The following ADAMTSL1 variants were observed in gnomAD, a reference collection of about 807,000 sequenced individuals.
ADAMTSL1 encodes ADAMTS like 1.
In ADAMTSL1, 126 loss-of-function variants were observed where a neutral mutation model predicts 201.8. The observed-to-expected ratio is 0.62, with a 90% CI of 0.54 to 0.72. The LOEUF (loss-of-function observed/expected upper bound fraction) is 0.72. ADAMTSL1 is among the 30% of genes least tolerant of loss of function. The pLI is 0.00. For missense variants in ADAMTSL1, 2,679 were observed against 2,277.8 expected (o/e 1.18, Z -3.59); for synonymous variants, 1,121 against 903.4 (o/e 1.24, Z -4.32).
At chr9:18,270,453 A>AT (rs1832312697) in intron 2 of ADAMTSL1, among the ~76,000 whole-genome samples, 1 of 152,318 alleles carries the variant, frequency 6.6e-6, no homozygotes, top group East Asian at 1.9e-4. Flanking sequence ...TTGTATCCTT[A>AT]CCTAAATCCA....
At position 18,887,992 on chromosome 9, in the gene ADAMTSL1, G is replaced by C; in HGVS notation, c.4411G>C (p.Ala1471Pro). 1.9e-6 allele frequency: 3 copies of C among 1,613,940 alleles called. No individual in the cohort carries two copies. The highest frequency in any genetic ancestry group is 2.5e-6 in the Non-Finnish European group (3 of 1,179,890). ...GGSQGEFSCL[A>P]QNEAGVLMQK... The stretch of plus-strand genomic sequence containing the variant: ...GTCTCAAGGGGAATTCAGCTGCCTT[G>C]CTCAGAATGAGGCAGGGGTGCTCAT... The change falls in exon 24 of 29, where the codon GCT (alanine) becomes CCT (proline). Residue 1471 changes from alanine to proline, a missense_variant. Coordinates refer to ENST00000380548, the MANE Select transcript of ADAMTSL1 (RefSeq NM_001040272.6).
rs1248513640 is a variant in ADAMTSL1 at position 18,776,951 on chromosome 9, CTCA to C, written c.2726_2728del (p.Ile909del). On this transcript the variant is annotated inframe_deletion, in exon 19 of 29. Coordinates refer to ENST00000380548, the MANE Select transcript of ADAMTSL1 (RefSeq NM_001040272.6). ...CCCGGCGCGCAGGGTCCGCAAGCCC[CTCA>C]TCACCTGGGAGAAGGACGGCCAGCA... is the stretch of plus-strand genomic sequence containing the variant. The C allele has an allele frequency of 6.3e-7, 1 of 1,599,448 alleles. No individual in the cohort carries two copies. The highest frequency in any genetic ancestry group is 8.5e-7 in the Non-Finnish European group (1 of 1,172,126).
chr9:18,298,626 A>C (rs1833569038), intron 2 of ADAMTSL1, among the ~76,000 whole-genome samples: 1 of 152,112 alleles, frequency 6.6e-6, no homozygotes, highest in South Asian at 2.1e-4. Flanking sequence ...TTCTTCTTCA[A>C]AATTACCCTA....
intron 2 of ADAMTSL1, among the ~76,000 whole-genome samples, chr9:18,208,080 G>C (rs953193413): frequency 2.6e-5 from 4 of 152,090 alleles, no homozygotes; most frequent in Admixed American, 6.6e-5. Context: ...CTATGAAATG[G>C]AGACAGTGAT....
intron 23 of ADAMTSL1, among the ~76,000 whole-genome samples, chr9:18,844,648 C>A (rs988474080): frequency 1.3e-5 from 2 of 152,222 alleles, no homozygotes; most frequent in African/African-American, 4.8e-5. Context: ...GAGGTGGAGC[C>A]TACAGAGGCA....
chr9:18,133,656 G>A (rs2131975215), intron 1 of ADAMTSL1, among the ~76,000 whole-genome samples: 1 of 152,190 alleles, frequency 6.6e-6, no homozygotes, highest in African/African-American at 2.4e-5. Context: ...CCAGGAACCT[G>A]CATTCACACC....
chr9:18,899,052 C>T (rs1237991343), intron 26 of ADAMTSL1, among the ~76,000 whole-genome samples: 2 of 152,160 alleles, frequency 1.3e-5, no homozygotes, highest in East Asian at 1.9e-4. Context: ...AAAATCCCAT[C>T]GTCTCAGCCC....
intron 1 of ADAMTSL1, among the ~76,000 whole-genome samples, chr9:18,038,508 T>G (rs952724174): frequency 6.6e-6 from 1 of 152,206 alleles, no homozygotes; most frequent in Non-Finnish European, 1.5e-5. Flanking sequence ...CATTACAGTT[T>G]TCAAGCTGAT....
intron 23 of ADAMTSL1, among the ~76,000 whole-genome samples, chr9:18,867,129 G>T (rs909055324): frequency 6.6e-6 from 1 of 152,184 alleles, no homozygotes; most frequent in African/African-American, 2.4e-5. Flanking sequence ...TCCAATAAGA[G>T]GAGGACAGAT....
intron 2 of ADAMTSL1, among the ~76,000 whole-genome samples, chr9:18,254,675 C>A (rs1357831052): frequency 2.1e-5 from 3 of 140,612 alleles, no homozygotes; most frequent in Admixed American, 7.1e-5. Context: ...CCGCCCCCCC[C>A]AGTACTCTTA....
intron 2 of ADAMTSL1, among the ~76,000 whole-genome samples, chr9:18,315,656 A>G (rs1463536613): frequency 6.6e-6 from 1 of 152,076 alleles, no homozygotes; most frequent in Non-Finnish European, 1.5e-5. Context: ...CCCACCTGGA[A>G]CTCGCGCTGG....
intron 5 of ADAMTSL1, among the ~76,000 whole-genome samples, chr9:18,629,686 G>A (rs966242214): frequency 1.3e-5 from 2 of 152,092 alleles, no homozygotes; most frequent in African/African-American, 4.8e-5. Context: ...AGAGATACTG[G>A]TCTGTCGTAT....
intron 26 of ADAMTSL1, among the ~76,000 whole-genome samples, chr9:18,897,294 C>T (rs1477234768): frequency 6.6e-6 from 1 of 152,094 alleles, no homozygotes; most frequent in Non-Finnish European, 1.5e-5. Flanking sequence ...CCCAGGACTG[C>T]CAGGAGAGTC....
chr9:18,906,186 G>A (rs796626969), intron 27 of ADAMTSL1, among the ~76,000 whole-genome samples: 61 of 152,284 alleles, frequency 4.0e-4, no homozygotes, highest in African/African-American at 1.4e-3. Context: ...GCCCCAGGGT[G>A]GTCAGGAGGT....
chr9:18,514,774 C>T (rs1010713581), intron 2 of ADAMTSL1, among the ~76,000 whole-genome samples: 1 of 152,036 alleles, frequency 6.6e-6, no homozygotes. Flanking sequence ...TTTTTGGATG[C>T]CTTTTATTTA....
chr9:18,682,842 A>C (rs1830586875), intron 12 of ADAMTSL1, among the ~76,000 whole-genome samples: 2 of 152,174 alleles, frequency 1.3e-5, no homozygotes, highest in African/African-American at 4.8e-5. Flanking sequence ...TATAAAAGGA[A>C]ACAAAAAAAA....
intron 3 of ADAMTSL1, among the ~76,000 whole-genome samples, chr9:18,565,898 T>G (rs77490734): frequency 6.6e-6 from 1 of 152,202 alleles, no homozygotes; most frequent in Non-Finnish European, 1.5e-5. Flanking sequence ...GCTTAGTACT[T>G]TAATATGAGT....
intron 3 of ADAMTSL1, among the ~76,000 whole-genome samples, chr9:18,539,331 C>T (rs1406759544): frequency 2.6e-5 from 4 of 152,222 alleles, no homozygotes; most frequent in Non-Finnish European, 5.9e-5. Flanking sequence ...TACACAAACA[C>T]AAAACTAAAT....
Position 18,528,047 on chromosome 9 carries a change from T to A in ADAMTSL1, c.192-5200T>A, listed in dbSNP as rs568811648. On this transcript the variant is annotated intron_variant, in intron 2 of 28. Coordinates refer to ENST00000380548, the MANE Select transcript of ADAMTSL1 (RefSeq NM_001040272.6). ...TGCCTGCCACCATGCCCGGCTAATT[T>A]TTGTATTTTTATTAGAGACGGGGTT... Among the ~76,000 whole-genome samples, 453 of 152,160 alleles carry A rather than the reference T, an allele frequency of 3.0e-3. 3 individuals are homozygous for A. Among genetic ancestry groups the A allele is most frequent in the Non-Finnish European group, 2.8e-3 (188 of 68,008 alleles).
Sources: gnomAD v4.1 joint callset for allele counts (sites outside exome capture counted in the v4.1 genomes callset) on GRCh38, gnomAD v4.1.1 for gene constraint, MANE v1.5 for transcripts, NCBI Gene and HGNC (gene_info 2026-07-23, HGNC 2026-07-21) for gene names.